The following FOXN3 variants were observed in gnomAD, a reference collection of about 807,000 sequenced individuals.
FOXN3 encodes the protein forkhead box protein N3.
A neutral mutation model predicts 38.4 loss-of-function variants in FOXN3; 7 were observed. That is an observed-to-expected ratio of 0.18 (90% CI 0.10 to 0.34). The LOEUF is 0.34. Among genes scored for constraint, FOXN3 ranks in the 10% least tolerant of loss-of-function variants. The probability of loss-of-function intolerance (pLI) is 1.00; values close to 1 mark genes in which losing one functional copy is unlikely to be tolerated. For missense variants in FOXN3, 456 were observed against 613.4 expected (o/e 0.74, Z 2.71); for synonymous variants, 230 against 242.2 (o/e 0.95, Z 0.47).
At chr14:89,481,031 G>A (rs572701755) in intron 1 of FOXN3, among the ~76,000 whole-genome samples, 11 of 151,548 alleles carry the variant, frequency 7.3e-5, no homozygotes, top group African/African-American at 2.7e-4. Flanking sequence ...CTCCTAAGTA[G>A]ATGGCTTTTT....
At chr14:89,405,576 C>G (rs1460712906) in intron 2 of FOXN3, among the ~76,000 whole-genome samples, 1 of 152,128 alleles carries the variant, frequency 6.6e-6, no homozygotes, top group African/African-American at 2.4e-5. Context: ...TCTGATGCCA[C>G]TGAAGGGGTC....
intron 1 of FOXN3, among the ~76,000 whole-genome samples, chr14:89,451,493 T>G (rs906604491): frequency 4.6e-5 from 7 of 152,220 alleles, no homozygotes; most frequent in Non-Finnish European, 7.3e-5. Context: ...ACCAAGGCTT[T>G]CCTGAGACTG....
At chr14:89,218,835 C>A (rs1182046735) in intron 4 of FOXN3, among the ~76,000 whole-genome samples, 1 of 152,138 alleles carries the variant, frequency 6.6e-6, no homozygotes, top group Non-Finnish European at 1.5e-5. Flanking sequence ...GAACAGTCAC[C>A]ATTATGACCC....
At chr14:89,169,497 GACTAAGTGGTT>G (rs1465253598) in intron 5 of FOXN3, among the ~76,000 whole-genome samples, 1 of 132,070 alleles carries the variant, frequency 7.6e-6, no homozygotes, top group Non-Finnish European at 1.6e-5. Context: ...TAATAATAAT[GACTAAGTGGTT>G]ACACACACAC....
intron 4 of FOXN3, among the ~76,000 whole-genome samples, chr14:89,204,921 A>C (rs1888340154): frequency 6.9e-6 from 1 of 144,212 alleles, no homozygotes; most frequent in South Asian, 2.1e-4. Flanking sequence ...GACACAATTA[A>C]GTATGGAAAT....
intron 2 of FOXN3, among the ~76,000 whole-genome samples, chr14:89,386,140 G>A (rs765656930): frequency 6.6e-6 from 1 of 152,232 alleles, no homozygotes; most frequent in Non-Finnish European, 1.5e-5. Context: ...GGGGGAGCTC[G>A]GGAGGGTGGG....
intron 1 of FOXN3, among the ~76,000 whole-genome samples, chr14:89,455,290 G>A (rs1892698013): frequency 1.3e-5 from 2 of 152,224 alleles, no homozygotes; most frequent in Non-Finnish European, 2.9e-5. Context: ...GAAAATTTGA[G>A]AAAAGCTCCG....
chr14:89,293,878 T>C (rs1334355920), intron 3 of FOXN3, among the ~76,000 whole-genome samples: 1 of 152,198 alleles, frequency 6.6e-6, no homozygotes, highest in Non-Finnish European at 1.5e-5. Context: ...TACCTACTGC[T>C]GTGCTTGGAA....
chr14:89,175,478 A>T (rs1887497064), intron 5 of FOXN3, among the ~76,000 whole-genome samples: 1 of 152,192 alleles, frequency 6.6e-6, no homozygotes, highest in African/African-American at 2.4e-5. Context: ...AAGGTCTGTG[A>T]GAGACAGGCT....
intron 1 of FOXN3, among the ~76,000 whole-genome samples, chr14:89,492,240 G>C (rs567586732): frequency 5.2e-4 from 79 of 152,290 alleles, no homozygotes; most frequent in Non-Finnish European, 1.0e-3. Context: ...AGCCTGGGGG[G>C]GCCAAGCACA....
chr14:89,556,175 G>C (rs531669154), intron 1 of FOXN3, among the ~76,000 whole-genome samples: 1 of 151,970 alleles, frequency 6.6e-6, no homozygotes, highest in Non-Finnish European at 1.5e-5. Context: ...AGGCTGGGGC[G>C]GGGGGATCAC....
At chr14:89,358,442 G>A (rs1465712490) in intron 2 of FOXN3, among the ~76,000 whole-genome samples, 1 of 152,154 alleles carries the variant, frequency 6.6e-6, no homozygotes, top group East Asian at 1.9e-4. Context: ...CCCCCATTGG[G>A]GGATACAGAC....
chr14:89,547,292 T>C (rs1894907149), intron 1 of FOXN3, among the ~76,000 whole-genome samples: 1 of 151,828 alleles, frequency 6.6e-6, no homozygotes, highest in Non-Finnish European at 1.5e-5. Flanking sequence ...TTTTGCTCTG[T>C]TGCCCAGGCT....
intron 1 of FOXN3, among the ~76,000 whole-genome samples, chr14:89,541,896 G>C (rs1894796449): frequency 6.6e-6 from 1 of 152,064 alleles, no homozygotes; most frequent in African/African-American, 2.4e-5. Flanking sequence ...AAGGTCCCTT[G>C]CATCAGCAAT....
intron 1 of FOXN3, among the ~76,000 whole-genome samples, chr14:89,464,075 C>T (rs183733717): frequency 5.3e-4 from 81 of 152,108 alleles, no homozygotes; most frequent in African/African-American, 1.6e-3. Flanking sequence ...TGAGCCACCG[C>T]GCCCGGCCTG....
chr14:89,433,693 A>C (rs978663055), intron 1 of FOXN3, among the ~76,000 whole-genome samples: 1 of 151,308 alleles, frequency 6.6e-6, no homozygotes, highest in Non-Finnish European at 1.5e-5. Context: ...AATCCCAGCT[A>C]TTCAGGAGGC....
At chr14:89,368,333 A>C (rs1462693346) in intron 2 of FOXN3, among the ~76,000 whole-genome samples, 10 of 141,578 alleles carry the variant, frequency 7.1e-5, no homozygotes, top group Non-Finnish European at 1.2e-4. Flanking sequence ...TCTGTCTCAA[A>C]AAAAAAAAAA....
At chr14:89,455,204 G>A (rs886515074) in intron 1 of FOXN3, among the ~76,000 whole-genome samples, 6 of 152,084 alleles carry the variant, frequency 3.9e-5, no homozygotes, top group Admixed American at 6.6e-5. Flanking sequence ...CTCCCTGCCC[G>A]GCCGATATGC....
At chr14:89,203,719 GC>G (rs936927952) in intron 4 of FOXN3, among the ~76,000 whole-genome samples, 2 of 152,160 alleles carry the variant, frequency 1.3e-5, no homozygotes, top group Non-Finnish European at 2.9e-5. Flanking sequence ...GGAAGAGTGG[GC>G]AAATGTCACA....
Sources: gnomAD v4.1 joint callset for allele counts (sites outside exome capture counted in the v4.1 genomes callset) on GRCh38, gnomAD v4.1.1 for gene constraint, MANE v1.5 for transcripts, NCBI Gene and HGNC (gene_info 2026-07-23, HGNC 2026-07-21) for gene names.